The following FAT3 variants were observed in gnomAD, a reference collection of about 807,000 sequenced individuals.
FAT3 encodes the protein FAT atypical cadherin 3, also known as protocadherin Fat 3.
Under a neutral mutation model 310.2 loss-of-function variants are expected in FAT3, and 95 were observed. The ratio of observed to expected loss-of-function variants is 0.31; its 90% CI spans 0.26 to 0.36. The LOEUF (loss-of-function observed/expected upper bound fraction) is 0.36. Among genes scored for constraint, FAT3 ranks in the 10% least tolerant of loss-of-function variants. The pLI, the probability that FAT3 is intolerant of heterozygous loss-of-function variation, is 1.00. For synonymous variants in FAT3, 2,314 were observed against 2,192.9 expected (o/e 1.06, Z -1.54); for missense variants, 5,408 against 5,715.6 (o/e 0.95, Z 1.74).
chr11:92,587,042 G>T (rs1272081014), intron 3 of FAT3, among the ~76,000 whole-genome samples: 1 of 151,982 alleles, frequency 6.6e-6, no homozygotes, highest in East Asian at 1.9e-4. Flanking sequence ...ATATATAGTA[G>T]CTATAGGAAT....
Position 92,806,503 on chromosome 11 carries a change from G to T in FAT3, c.9235G>T (p.Asp3079Tyr). 6.5e-7 allele frequency: 1 copy of T among 1,543,698 alleles called. No homozygotes were observed. The highest frequency in any genetic ancestry group is 8.8e-7 in the Non-Finnish European group (1 of 1,142,320). Residue 3079 changes from aspartate (D) to tyrosine (Y), a missense_variant, in exon 12 of 28, where the codon GAT (aspartate) becomes TAT (tyrosine). Transcript: ENST00000525166. ...YGSGNSEFFLDPESGELKTLA... is the reference protein window; with the variant it reads ...YGSGNSEFFLYPESGELKTLA... ...ATCTGGAAACAGTGAATTTTTTCTA[G>T]ATCCAGAAAGTGGTAAGCTAAAATT... is the stretch of plus-strand genomic sequence containing the variant.
intron 2 of FAT3, among the ~76,000 whole-genome samples, chr11:92,485,522 T>A (rs1363385561): frequency 1.1e-5 from 1 of 87,684 alleles, no homozygotes; most frequent in Non-Finnish European, 2.1e-5. Flanking sequence ...TTAATCATCT[T>A]AATGAGGTAC....
chr11:92,840,430 A>G, intron 17 of FAT3, 132 bp from the exon 18 acceptor site: 1 of 789,078 alleles, frequency 1.3e-6, no homozygotes, highest in Non-Finnish European at 1.9e-6. Flanking sequence ...CCTTCTGCTG[A>G]AAGCCCTGTT....
At chr11:92,554,015 A>C (rs1038212081) in intron 3 of FAT3, among the ~76,000 whole-genome samples, 1 of 151,888 alleles carries the variant, frequency 6.6e-6, no homozygotes, top group South Asian at 2.1e-4. Flanking sequence ...CATGTTGGCC[A>C]GGCTGGTCTG....
In FAT3 at chr11:92,709,195, C is replaced by A. The variant is rs144565812; in HGVS notation, c.3669+11750C>A. Among the ~76,000 whole-genome samples the A allele has an allele frequency of 1.6e-4, 25 of 152,300 alleles. No homozygotes were observed. The East Asian group carries it at 4.0e-3, about 25-fold the overall frequency. ...CCCGGAATCATAACCCCTTTAAGGTCTTAAATTGTGTTTATTTGTTAATGC... is the reference window on the plus strand; with the variant it reads ...CCCGGAATCATAACCCCTTTAAGGTATTAAATTGTGTTTATTTGTTAATGC... On this transcript the variant is annotated intron_variant, in intron 4 of 27. Transcript: ENST00000525166.
At chr11:92,475,595 A>G (rs541834628) in intron 2 of FAT3, among the ~76,000 whole-genome samples, 1 of 152,256 alleles carries the variant, frequency 6.6e-6, no homozygotes, top group South Asian at 2.1e-4. Context: ...AACTACTGAC[A>G]TTCTTTGTTA....
chr11:92,610,150 T>C (rs1301480999), intron 3 of FAT3, among the ~76,000 whole-genome samples: 4 of 152,230 alleles, frequency 2.6e-5, no homozygotes, highest in African/African-American at 9.6e-5. Context: ...AGGGATTTGC[T>C]AACTGAATTA....
chr11:92,404,572 T>C (rs1321807552), intron 2 of FAT3, among the ~76,000 whole-genome samples: 1 of 151,710 alleles, frequency 6.6e-6, no homozygotes, highest in East Asian at 2.0e-4. Context: ...TGGTACAATA[T>C]GGCAGGTGGA....
intron 3 of FAT3, among the ~76,000 whole-genome samples, chr11:92,654,849 C>T (rs1269265090): frequency 6.6e-6 from 1 of 152,184 alleles, no homozygotes; most frequent in South Asian, 2.1e-4. Flanking sequence ...CACCCAACAA[C>T]AACTTCCTCC....
chr11:92,565,253 A>C (rs1055521380), intron 3 of FAT3, among the ~76,000 whole-genome samples: 1 of 151,722 alleles, frequency 6.6e-6, no homozygotes, highest in African/African-American at 2.4e-5. Flanking sequence ...AGATTACTAC[A>C]AACACCTCTA....
intron 6 of FAT3, among the ~76,000 whole-genome samples, 196 bp from the exon 7 acceptor site, chr11:92,773,845 T>C (rs1946523833): frequency 1.3e-5 from 2 of 152,206 alleles, no homozygotes; most frequent in African/African-American, 4.8e-5. Context: ...ACATTTGTTA[T>C]GCATTGTAGA....
chr11:92,311,026 A>G (rs995599159), intron 1 of FAT3, among the ~76,000 whole-genome samples: 2 of 151,512 alleles, frequency 1.3e-5, no homozygotes, highest in Non-Finnish European at 2.9e-5. Flanking sequence ...ACATATATGT[A>G]TATATATACA....
At chr11:92,836,540 C>T (rs1204520990) in intron 15 of FAT3, 26 bp from the exon 16 acceptor site, 1 of 1,609,592 alleles carries the variant, frequency 6.2e-7, no homozygotes, top group Non-Finnish European at 8.5e-7. Flanking sequence ...CATGTCTTTT[C>T]TTTGTTTTGC....
Position 92,843,863 on chromosome 11 carries a change from T to G in FAT3, c.10567-71T>G, listed in dbSNP as rs1330520644. 3.6e-6 allele frequency: 5 copies of G among 1,387,782 alleles called. No homozygotes were observed. In the East Asian group the frequency reaches 1.1e-4, roughly 32 times the overall value. The allele number at this position is 1,387,782 out of a possible 1,614,324, so 86.0% of individuals were successfully genotyped here. ...CGTAAAGGTACAGACGTCTTCTATC[T>G]GCGGGTTTTTAAAAACTTACTATGA... On this transcript the variant is annotated intron_variant, in intron 18 of 27. Transcript: ENST00000525166.
intron 3 of FAT3, among the ~76,000 whole-genome samples, chr11:92,566,462 C>T (rs1038436405): frequency 3.9e-5 from 6 of 151,962 alleles, no homozygotes; most frequent in African/African-American, 1.4e-4. Context: ...CCATACTGCC[C>T]AAGGTAATTT....
chr11:92,760,544 C>CT (rs1170280934), intron 4 of FAT3, among the ~76,000 whole-genome samples: 1 of 152,078 alleles, frequency 6.6e-6, no homozygotes, highest in Non-Finnish European at 1.5e-5. Context: ...TGGGTTCTTC[C>CT]TTTTTTTGTT....
Position 92,883,117 on chromosome 11 carries a change from G to T in FAT3, c.12661G>T (p.Val4221Phe), listed in dbSNP as rs749339528. The T allele has an allele frequency of 6.2e-7, 1 of 1,613,802 alleles. No individual in the cohort carries two copies. Residue 4221 changes from valine (V) to phenylalanine (F), a missense_variant, in exon 24 of 28, where the codon GTC (valine) becomes TTC (phenylalanine). Val to Phe is a conservative substitution (Grantham distance 50). This residue lies in a region of FAT3 where 649 missense variants were observed against 666.2 expected (regional missense o/e 0.97). Coordinates refer to ENST00000525166, the MANE Select transcript of FAT3 (RefSeq NM_001367949.2). The surrounding 1 kb of genome is among the most constrained non-coding windows in gnomAD (Gnocchi z 4.2). Reference sequence around the variant, plus strand: ...GCGCGGCAGTGGGGACGGCCGCAACGTCTACCAGGAGGTGGGGCCCCCGCA... The same window carrying T: ...GCGCGGCAGTGGGGACGGCCGCAACTTCTACCAGGAGGTGGGGCCCCCGCA... Reference protein sequence around the residue: ...NLRGSGDGRNVYQEVGPPQVP... With the variant: ...NLRGSGDGRNFYQEVGPPQVP...
intron 2 of FAT3, among the ~76,000 whole-genome samples, chr11:92,519,897 A>G (rs979478009): frequency 1.3e-5 from 2 of 152,156 alleles, no homozygotes; most frequent in Non-Finnish European, 2.9e-5. Flanking sequence ...ATGTGGAGCA[A>G]CTGGAACCCT....
chr11:92,847,942 G>A (rs1948729924), intron 19 of FAT3, among the ~76,000 whole-genome samples: 1 of 148,452 alleles, frequency 6.7e-6, no homozygotes, highest in African/African-American at 2.6e-5. Flanking sequence ...CACACACACA[G>A]ACGTGCACCC....
Sources: allele counts gnomAD v4.1 joint callset (sites outside exome capture counted in the v4.1 genomes callset), GRCh38; gene constraint gnomAD v4.1.1; regional missense constraint gnomAD v4.1.1; non-coding constraint Gnocchi (gnomAD v3.1); transcripts MANE v1.5; gene names NCBI Gene and HGNC (gene_info 2026-07-23, HGNC 2026-07-21).